The following EIF3E variants were observed in gnomAD, a reference collection of about 807,000 sequenced individuals.
EIF3E encodes the protein eIF-3 p48.
In EIF3E, 25 loss-of-function variants were observed where a neutral mutation model predicts 59.3. The ratio of observed to expected loss-of-function variants is 0.42; its 90% CI spans 0.31 to 0.59. EIF3E has a LOEUF of 0.59. Among genes scored for constraint, EIF3E ranks in the 20% least tolerant of loss-of-function variants. The probability of loss-of-function intolerance (pLI) is 0.15; values close to 1 mark genes in which losing one functional copy is unlikely to be tolerated. For missense variants in EIF3E, 317 were observed against 534.3 expected, an observed-to-expected ratio of 0.59 and a Z score of 4.01; for synonymous variants, 176 against 170.2, an observed-to-expected ratio of 1.03 and a Z score of -0.26.
chr8:108,236,790 G>A (rs552393189), intron 3 of EIF3E, among the ~76,000 whole-genome samples: 1 of 152,286 alleles, frequency 6.6e-6, no homozygotes, highest in African/African-American at 2.4e-5. Context: ...GGGAGGCCGA[G>A]GCAGGTGGAT....
intron 1 of EIF3E, among the ~76,000 whole-genome samples, chr8:108,245,761 A>G (rs1815936562): frequency 1.3e-5 from 2 of 152,268 alleles, no homozygotes; most frequent in South Asian, 4.1e-4. Context: ...TCATTCAATC[A>G]TTTATTAAAC....
At chr8:108,228,228 A>T (rs764745222) in intron 7 of EIF3E, 39 bp downstream of exon 7, 7 of 1,533,108 alleles carry the variant, frequency 4.6e-6, no homozygotes, top group Non-Finnish European at 5.3e-6. Flanking sequence ...ATGTAATTTT[A>T]TCTAAACAAA....
At chr8:108,203,609 T>C (rs1380217796) in intron 10 of EIF3E, 106 bp from the exon 11 acceptor site, 1 of 846,620 alleles carries the variant, frequency 1.2e-6, no homozygotes. Flanking sequence ...TTGGTATTTC[T>C]GGATCACCCT....
intron 5 of EIF3E, 109 bp downstream of exon 5, chr8:108,234,889 G>C (rs1586207046): frequency 1.8e-6 from 1 of 547,070 alleles, no homozygotes; most frequent in Admixed American, 5.0e-5. Flanking sequence ...AATGACTGTT[G>C]AAAACTTAAT....
intron 8 of EIF3E, 84 bp from the exon 9 acceptor site, chr8:108,216,597 T>C (rs1244239515): frequency 2.2e-6 from 2 of 909,136 alleles, no homozygotes; most frequent in Non-Finnish European, 1.7e-6. Context: ...TCTTCTTGTT[T>C]TCTCCTTCTT....
At chr8:108,204,145 C>A (rs1416729362) in intron 10 of EIF3E, among the ~76,000 whole-genome samples, 1 of 151,944 alleles carries the variant, frequency 6.6e-6, no homozygotes, top group Non-Finnish European at 1.5e-5. Flanking sequence ...GTCCTAGAAC[C>A]AGTCCCCCAA....
intron 6 of EIF3E, 122 bp from the exon 7 acceptor site, chr8:108,228,513 G>A (rs1392051409): frequency 4.2e-6 from 3 of 718,366 alleles, no homozygotes; most frequent in Non-Finnish European, 5.9e-6. Flanking sequence ...ATGCACGGAG[G>A]TCATTATGAT....
chr8:108,207,373 G>A (rs915147019), intron 10 of EIF3E, among the ~76,000 whole-genome samples: 4 of 152,288 alleles, frequency 2.6e-5, no homozygotes, highest in South Asian at 4.1e-4. Context: ...AAATAAAAGT[G>A]TAATATCCTA....
At chr8:108,226,781 G>A (rs938698856) in intron 7 of EIF3E, among the ~76,000 whole-genome samples, 2 of 152,206 alleles carry the variant, frequency 1.3e-5, no homozygotes, top group Non-Finnish European at 2.9e-5. Flanking sequence ...CCATAATCCT[G>A]TTAATGGAAT....
At chr8:108,234,887 T>A in intron 5 of EIF3E, 111 bp downstream of exon 5, 2 of 549,162 alleles carry the variant, frequency 3.6e-6, no homozygotes. Context: ...CCAATGACTG[T>A]TGAAAACTTA....
intron 7 of EIF3E, among the ~76,000 whole-genome samples, chr8:108,225,414 T>C (rs1815500189): frequency 6.6e-6 from 1 of 151,396 alleles, no homozygotes; most frequent in Non-Finnish European, 1.5e-5. Flanking sequence ...AATACCTGCA[T>C]AACTCACTGG....
At chr8:108,231,884 G>A (rs1261027594) in intron 5 of EIF3E, 6 of 151,316 alleles carry the variant, frequency 4.0e-5, no homozygotes, top group Admixed American at 3.9e-4. Context: ...GGGTCACACA[G>A]CTTTAATTTA....
At chr8:108,207,319 G>GA (rs1041007151) in intron 10 of EIF3E, among the ~76,000 whole-genome samples, 8 of 150,922 alleles carry the variant, frequency 5.3e-5, no homozygotes, top group Non-Finnish European at 7.4e-5. Flanking sequence ...AAACGCAAAG[G>GA]AAAAAAAAGG....
chr8:108,244,139 C>G (rs975767467), intron 1 of EIF3E, among the ~76,000 whole-genome samples: 3 of 152,058 alleles, frequency 2.0e-5, no homozygotes, highest in Non-Finnish European at 2.9e-5. Context: ...AATTTTGAAA[C>G]AGAAATAATA....
At chr8:108,237,136 A>G (rs910742595) in intron 3 of EIF3E, among the ~76,000 whole-genome samples, 1 of 152,260 alleles carries the variant, frequency 6.6e-6, no homozygotes, top group Non-Finnish European at 1.5e-5. Flanking sequence ...TTTTTCTTAA[A>G]TTAGCTTTGC....
intron 10 of EIF3E, among the ~76,000 whole-genome samples, chr8:108,204,203 TATAAAGGTTTCTTTGG>T (rs1466497984): frequency 1.3e-5 from 2 of 152,076 alleles, no homozygotes; most frequent in African/African-American, 2.4e-5. Context: ...TAAACCTTTG[TATAAAGGTTTCTTTGG>T]ATAAAGAAGA....
chr8:108,203,426 A>T lies in EIF3E; in HGVS notation c.1139T>A (p.Leu380Gln). Reference sequence around the variant, plus strand: ...TAATTTAGAATCAATCTTGGCATCCAGTCTTGCATTTCTAATCAAATTTAC... The same window carrying T: ...TAATTTAGAATCAATCTTGGCATCCTGTCTTGCATTTCTAATCAAATTTAC... ...WIVNLIRNAR[L>Q]DAKIDSKLGH... The change falls in exon 11 of 13, where the codon CTG (leucine) becomes CAG (glutamine). Residue 380 changes from leucine to glutamine, a missense_variant. Coordinates refer to ENST00000220849, the MANE Select transcript of EIF3E (RefSeq NM_001568.3). 6.2e-7 allele frequency: 1 copy of T among 1,612,306 alleles called. No homozygotes were observed. The highest frequency in any genetic ancestry group is 8.5e-7 in the Non-Finnish European group (1 of 1,178,886).
chr8:108,216,058 T>A lies in EIF3E; in HGVS notation c.951+354A>T, dbSNP rs909041546. Among the ~76,000 whole-genome samples, 3 of 152,192 alleles carry A rather than the reference T, an allele frequency of 2.0e-5. No individual in the cohort carries two copies. In the East Asian group the frequency reaches 5.8e-4, roughly 29 times the overall value. On this transcript the variant is annotated intron_variant, in intron 9 of 12. Transcript: ENST00000220849. ...AATTCAAAGTGACCTTGCCTGTACA[T>A]ATGAAATATTAAAAATATTCATTCG...
chr8:108,203,410 A>G lies in EIF3E; in HGVS notation c.1155T>C (p.Asp385=). The change falls in exon 11 of 13, where the codon GAT becomes GAC. Residue 385 remains aspartate (D), a synonymous_variant. Coordinates refer to ENST00000220849, the MANE Select transcript of EIF3E (RefSeq NM_001568.3). Reference sequence around the variant, plus strand: ...CTAACATAATACTCACTAATTTAGAATCAATCTTGGCATCCAGTCTTGCAT... The same window carrying G: ...CTAACATAATACTCACTAATTTAGAGTCAATCTTGGCATCCAGTCTTGCAT... ...IRNARLDAKI[D]SKLGHVVMGN... The G allele has an allele frequency of 6.2e-7, 1 of 1,611,488 alleles. No homozygotes were observed. Among genetic ancestry groups the G allele is most frequent in the Non-Finnish European group, 8.5e-7 (1 of 1,178,474 alleles).
Sources: gnomAD v4.1 joint callset for allele counts (sites outside exome capture counted in the v4.1 genomes callset) on GRCh38, gnomAD v4.1.1 for gene constraint, MANE v1.5 for transcripts, NCBI Gene and HGNC (gene_info 2026-07-23, HGNC 2026-07-21) for gene names.